Variants in FADS2 observed in about 807,000 individuals in gnomAD.
FADS2 encodes the protein fatty acid desaturase 2, also known as acyl-CoA 6-desaturase.
In FADS2, 18 loss-of-function variants were observed where a neutral mutation model predicts 61.2. That is an observed-to-expected ratio of 0.29 (90% CI 0.20 to 0.44). The LOEUF is 0.44. FADS2 is among the 20% of genes least tolerant of loss of function. The pLI is 1.00. For synonymous variants in FADS2, 203 were observed against 223.9 expected, an observed-to-expected ratio of 0.91 and a Z score of 0.83; for missense variants, 322 against 572.7, an observed-to-expected ratio of 0.56 and a Z score of 4.47.
At chr11:61,842,957 A>AC in intron 4 of FADS2, among the ~76,000 whole-genome samples, 1 of 151,952 alleles carries the variant, frequency 6.6e-6, no homozygotes, top group Non-Finnish European at 1.5e-5. Context: ...AGAGGCTGGG[A>AC]CCCCCTTCTT....
chr11:61,816,908 G>C lies in FADS2; in HGVS notation c.141+482G>C, dbSNP rs2066991058. ...TCAGCACCGCAGGGCAGACCGGCGG[G>C]CCTCGCAGCGCGCGTTCCCATTGGC... On this transcript the variant is annotated intron_variant, in intron 1 of 11. Transcript: ENST00000257261. The surrounding 1 kb of genome is among the most constrained non-coding windows in gnomAD (Gnocchi z 7.0). 2.1e-6 allele frequency: 3 copies of C among 1,406,634 alleles called. No individual in the cohort carries two copies. The highest frequency in any genetic ancestry group is 2.7e-6 in the Non-Finnish European group (3 of 1,092,440). 87.1% of individuals were successfully genotyped at this position (1,406,634 alleles called of 1,614,324 possible). A position where few individuals can be genotyped will look rare whatever the true frequency, so the allele number is the denominator to read the frequency against.
intron 2 of FADS2, among the ~76,000 whole-genome samples, chr11:61,838,622 G>A (rs1037767077): frequency 6.6e-6 from 1 of 152,010 alleles, no homozygotes; most frequent in African/African-American, 2.4e-5. Flanking sequence ...GGTCTCTCCC[G>A]GCCTGGACTC....
chr11:61,858,457 G>A (rs2067384165), intron 7 of FADS2, among the ~76,000 whole-genome samples: 1 of 152,108 alleles, frequency 6.6e-6, no homozygotes, highest in African/African-American at 2.4e-5. Context: ...GAGATTACAG[G>A]CATGAGCCAC....
chr11:61,849,268 C>T (rs2067286765), intron 5 of FADS2, among the ~76,000 whole-genome samples: 1 of 152,200 alleles, frequency 6.6e-6, no homozygotes, highest in African/African-American at 2.4e-5. Context: ...CATTGCCTTC[C>T]ATTTACTATA....
chr11:61,829,124 G>A (rs2067106798), intron 1 of FADS2: 1 of 153,790 alleles, frequency 6.5e-6, no homozygotes, highest in Admixed American at 6.5e-5. Flanking sequence ...TCTTGTCTAA[G>A]AAGTTCCTCA....
chr11:61,817,193 CA>C (rs1439494033), intron 1 of FADS2: 20 of 209,660 alleles, frequency 9.5e-5, no homozygotes, highest in South Asian at 3.7e-4. Flanking sequence ...GGGGTGGCCG[CA>C]GGAAGGGTGG....
chr11:61,858,694 T>A (rs2067386490), intron 7 of FADS2, among the ~76,000 whole-genome samples: 1 of 151,796 alleles, frequency 6.6e-6, no homozygotes, highest in African/African-American at 2.4e-5. Context: ...CAAGCGATTC[T>A]CCTGCCTCAA....
chr11:61,851,321 C>T (rs1180939835), intron 5 of FADS2, among the ~76,000 whole-genome samples: 1 of 152,182 alleles, frequency 6.6e-6, no homozygotes, highest in African/African-American at 2.4e-5. Flanking sequence ...GCCAGAGAAG[C>T]CTCTCCTTTC....
upstream of FADS2, chr11:61,826,499 A>G: frequency 1.6e-6 from 1 of 618,640 alleles, no homozygotes; most frequent in Non-Finnish European, 2.9e-6. Context: ...AAAGTTATCT[A>G]TATGGTATGT....
At chr11:61,817,875 G>A (rs2067000889) in intron 1 of FADS2, among the ~76,000 whole-genome samples, 2 of 152,152 alleles carry the variant, frequency 1.3e-5, no homozygotes, top group African/African-American at 2.4e-5. Flanking sequence ...TGTTCTTAGC[G>A]TTTTGCAAAC....
chr11:61,832,356 A>C (rs1051899608), intron 1 of FADS2, among the ~76,000 whole-genome samples: 3 of 152,208 alleles, frequency 2.0e-5, no homozygotes, highest in African/African-American at 7.2e-5. Context: ...CCCCAGCTTT[A>C]TGAATTCCCA....
intron 4 of FADS2, among the ~76,000 whole-genome samples, chr11:61,845,303 C>T (rs1386786866): frequency 6.6e-6 from 1 of 152,100 alleles, no homozygotes; most frequent in Non-Finnish European, 1.5e-5. Context: ...GACCCTCCCT[C>T]GCAGCTCCGT....
chr11:61,819,769 G>C (rs2135946317), intron 1 of FADS2, among the ~76,000 whole-genome samples: 1 of 152,066 alleles, frequency 6.6e-6, no homozygotes, highest in East Asian at 1.9e-4. Flanking sequence ...ACAACATGGA[G>C]GTTTGTTACA....
At chr11:61,818,595 T>C (rs1453023730) in intron 1 of FADS2, among the ~76,000 whole-genome samples, 1 of 152,090 alleles carries the variant, frequency 6.6e-6, no homozygotes, top group Non-Finnish European at 1.5e-5. Flanking sequence ...GTTAACACAA[T>C]GAAGAATTAA....
At chr11:61,817,544 A>G (rs2066998656) in intron 1 of FADS2, among the ~76,000 whole-genome samples, 1 of 152,008 alleles carries the variant, frequency 6.6e-6, no homozygotes, top group Non-Finnish European at 1.5e-5. Context: ...TTTTATTTTT[A>G]TTGTATTTTG....
chr11:61,847,966 C>A, intron 4 of FADS2, 193 bp from the exon 5 acceptor site: 1 of 603,096 alleles, frequency 1.7e-6, no homozygotes, highest in Non-Finnish European at 2.9e-6. Context: ...GATAAAGTGA[C>A]TTCACTCCAT....
intron 2 of FADS2, 84 bp from the exon 3 acceptor site, chr11:61,840,250 G>A: frequency 8.7e-7 from 1 of 1,154,942 alleles, no homozygotes; most frequent in South Asian, 1.2e-5. Context: ...GTTGTGCATT[G>A]GCTGTTGAAA....
At position 61,816,906 on chromosome 11, in the gene FADS2, G is replaced by GACGC; in HGVS notation, c.141+480_141+481insACGC. 6 of 1,409,672 alleles carry GACGC rather than the reference G, an allele frequency of 4.3e-6. No homozygotes were observed. Among genetic ancestry groups the GACGC allele is most frequent in the Non-Finnish European group, 5.5e-6 (6 of 1,094,058 alleles). 87.3% of individuals were successfully genotyped at this position (1,409,672 alleles called of 1,614,324 possible). ...TTTCAGCACCGCAGGGCAGACCGGC[G>GACGC]GGCCTCGCAGCGCGCGTTCCCATTG... On this transcript the variant is annotated intron_variant, in intron 1 of 11. Transcript: ENST00000257261. The surrounding 1 kb of genome is among the most constrained non-coding windows in gnomAD (Gnocchi z 7.0).
chr11:61,861,987 G>C (rs1465790454), intron 7 of FADS2: 2 of 152,274 alleles, frequency 1.3e-5, no homozygotes, highest in Non-Finnish European at 2.9e-5. Context: ...TTTGAAGTGA[G>C]ACAGGGCAGT....
Sources: allele counts gnomAD v4.1 joint callset (sites outside exome capture counted in the v4.1 genomes callset), GRCh38; gene constraint gnomAD v4.1.1; non-coding constraint Gnocchi (gnomAD v3.1); transcripts MANE v1.5; gene names NCBI Gene and HGNC (gene_info 2026-07-23, HGNC 2026-07-21).